Variants in MARCHF6 observed in about 807,000 individuals in gnomAD.
MARCHF6 encodes E3 ubiquitin-protein ligase MARCHF6.
A neutral mutation model predicts 133.7 loss-of-function variants in MARCHF6; 31 were observed. That is an observed-to-expected ratio of 0.23 (90% CI 0.17 to 0.31). The LOEUF (loss-of-function observed/expected upper bound fraction) is 0.31, where lower values mean the gene tolerates loss of function less well. Ranked by LOEUF, MARCHF6 falls within the 10% of genes least tolerant of loss-of-function variation. The probability of loss-of-function intolerance (pLI) is 1.00; values close to 1 mark genes in which losing one functional copy is unlikely to be tolerated. For missense variants in MARCHF6, 723 were observed against 1,121.6 expected, an observed-to-expected ratio of 0.64 and a Z score of 5.08; for synonymous variants, 395 against 402.5, an observed-to-expected ratio of 0.98 and a Z score of 0.22.
intron 1 of MARCHF6, among the ~76,000 whole-genome samples, chr5:10,356,488 C>G (rs534041690): frequency 5.9e-4 from 90 of 151,596 alleles, no homozygotes; most frequent in Middle Eastern, 3.4e-3. Context: ...CTCCACCTCC[C>G]AGGTTCAAGC....
At chr5:10,431,175 A>G (rs1324133873) in intron 25 of MARCHF6, among the ~76,000 whole-genome samples, 1 of 152,244 alleles carries the variant, frequency 6.6e-6, no homozygotes, top group East Asian at 1.9e-4. Context: ...ATTTACTGAC[A>G]GTAAAAAATA....
intron 14 of MARCHF6, 58 bp downstream of exon 14, chr5:10,402,665 G>T: frequency 7.4e-7 from 1 of 1,345,468 alleles, no homozygotes; most frequent in Non-Finnish European, 1.1e-6. Flanking sequence ...AAAAGAGGAA[G>T]TCTTCAGCAT....
chr5:10,433,070 A>G (rs1455679843), intron 25 of MARCHF6, among the ~76,000 whole-genome samples: 1 of 151,954 alleles, frequency 6.6e-6, no homozygotes, highest in Admixed American at 6.6e-5. Context: ...TTGTATTTTT[A>G]GTAGAGATGG....
chr5:10,428,346 T>G (rs1415146864), intron 24 of MARCHF6, among the ~76,000 whole-genome samples: 9 of 142,520 alleles, frequency 6.3e-5, no homozygotes, highest in Admixed American at 3.5e-4. Context: ...TTTTTTTTTT[T>G]TTTTTTTTTT....
At chr5:10,409,557 C>T (rs567891167) in intron 17 of MARCHF6, among the ~76,000 whole-genome samples, 49 of 152,310 alleles carry the variant, frequency 3.2e-4, no homozygotes, top group African/African-American at 1.2e-3. Context: ...GAGTCTTACA[C>T]GACATAAGCA....
intron 22 of MARCHF6, among the ~76,000 whole-genome samples, chr5:10,419,281 G>A (rs1231456184): frequency 3.3e-5 from 5 of 152,008 alleles, no homozygotes; most frequent in Admixed American, 1.3e-4. Flanking sequence ...TAGTCACTAC[G>A]TAATTATAAA....
At chr5:10,419,478 A>G (rs893448675) in intron 22 of MARCHF6, among the ~76,000 whole-genome samples, 16 of 152,206 alleles carry the variant, frequency 1.1e-4, no homozygotes, top group African/African-American at 3.1e-4. Flanking sequence ...AGTGTTTTCA[A>G]TTACAGATGG....
At chr5:10,354,308 C>T (rs998664292) in intron 1 of MARCHF6, among the ~76,000 whole-genome samples, 4 of 152,210 alleles carry the variant, frequency 2.6e-5, no homozygotes, top group Non-Finnish European at 4.4e-5. Context: ...TTACGTCCTT[C>T]TGCCTATTGC....
rs372654029 is a variant in MARCHF6, at chr5:10,408,803, T to C, written c.1554-1336T>C. 2.0e-5 allele frequency among the ~76,000 whole-genome samples: 3 copies of C among 152,188 alleles called. No homozygotes were observed. The East Asian group carries it at 5.8e-4, about 29-fold the overall frequency. ...ATCTGCCTGCCTCAGCCTCCCAAAATGTTAGGATTACAGGCATGAGCCACT... is the reference window on the plus strand; with the variant it reads ...ATCTGCCTGCCTCAGCCTCCCAAAACGTTAGGATTACAGGCATGAGCCACT... On this transcript the variant is annotated intron_variant, in intron 17 of 25. Coordinates refer to ENST00000274140, the MANE Select transcript of MARCHF6 (RefSeq NM_005885.4).
intron 4 of MARCHF6, 133 bp downstream of exon 4, chr5:10,382,076 A>G: frequency 1.0e-6 from 1 of 959,544 alleles, no homozygotes; most frequent in South Asian, 1.6e-5. Flanking sequence ...GTATTAGGAA[A>G]GCCTTACTTA....
rs1739450289 is a variant in MARCHF6 at position 10,415,413 on chromosome 5, C to CT, written c.1967-74dup. 3.8e-6 allele frequency: 5 copies of CT among 1,322,466 alleles called. No individual in the cohort carries two copies. In the East Asian group the frequency reaches 1.2e-4, roughly 31 times the overall value. The allele number at this position is 1,322,466 out of a possible 1,614,324, so 81.9% of individuals were successfully genotyped here. ...ATATCTTTTTCCTAATGTGAAAATA[C>CT]TAACATAACAACATGAAGATGACAA... On this transcript the variant is annotated intron_variant, in intron 20 of 25. Transcript: ENST00000274140.
chr5:10,420,869 C>A (rs1045207532), intron 22 of MARCHF6, among the ~76,000 whole-genome samples: 1 of 152,200 alleles, frequency 6.6e-6, no homozygotes, highest in Non-Finnish European at 1.5e-5. Flanking sequence ...ATTAAGATAA[C>A]CATTCACAGA....
chr5:10,359,802 C>T (rs1259266024), intron 1 of MARCHF6, among the ~76,000 whole-genome samples: 4 of 152,036 alleles, frequency 2.6e-5, no homozygotes, highest in African/African-American at 4.8e-5. Flanking sequence ...GTCAGGAGTT[C>T]GAGACCAGCC....
At chr5:10,424,456 T>G (rs1006221381) in intron 23 of MARCHF6, among the ~76,000 whole-genome samples, 12 of 152,214 alleles carry the variant, frequency 7.9e-5, no homozygotes, top group Non-Finnish European at 1.5e-4. Flanking sequence ...GACGGAAAGT[T>G]TTCCTGCATC....
chr5:10,386,052 G>A (rs1397626871), intron 4 of MARCHF6, among the ~76,000 whole-genome samples: 2 of 151,276 alleles, frequency 1.3e-5, no homozygotes, highest in Non-Finnish European at 2.9e-5. Context: ...GCGATACACA[G>A]CACTCTGTAG....
In MARCHF6 at chr5:10,378,808, A is replaced by G. The variant is rs773206674; in HGVS notation, c.166A>G (p.Lys56Glu). The change falls in exon 3 of 26, where the codon AAG (lysine) becomes GAG (glutamate). Residue 56 changes from lysine (K) to glutamate (E), a missense_variant. Transcript: ENST00000274140. ...HSRKEYCELC[K>E]HRFAFTPIYS... ...TCGAAAAGAATACTGTGAATTATGC[A>G]AGCACAGATTTGCTTTTACACCAAG... 3 of 1,610,126 alleles carry G rather than the reference A, an allele frequency of 1.9e-6. No homozygotes were observed. Among genetic ancestry groups the G allele is most frequent in the Non-Finnish European group, 2.5e-6 (3 of 1,177,980 alleles).
intron 22 of MARCHF6, among the ~76,000 whole-genome samples, chr5:10,422,368 G>T (rs1169137745): frequency 1.3e-5 from 2 of 152,176 alleles, no homozygotes; most frequent in African/African-American, 2.4e-5. Context: ...AGAAAGATCT[G>T]ATTCTGTAGT....
At chr5:10,376,387 G>GA (rs1335159074) in intron 1 of MARCHF6, among the ~76,000 whole-genome samples, 3 of 152,038 alleles carry the variant, frequency 2.0e-5, no homozygotes, top group African/African-American at 7.3e-5. Flanking sequence ...CCAGAAGGAA[G>GA]AAACTCCGAA....
At chr5:10,402,019 T>C in intron 11 of MARCHF6, 40 bp from the exon 12 acceptor site, 2 of 1,214,212 alleles carry the variant, frequency 1.6e-6, no homozygotes, top group Non-Finnish European at 2.4e-6. Flanking sequence ...GTAGAACATG[T>C]TGTAAAATTA....
Sources: allele counts gnomAD v4.1 joint callset (sites outside exome capture counted in the v4.1 genomes callset), GRCh38; gene constraint gnomAD v4.1.1; transcripts MANE v1.5; gene names NCBI Gene and HGNC (gene_info 2026-07-23, HGNC 2026-07-21).